The following SH3RF2 variants were observed in gnomAD, a reference collection of about 807,000 sequenced individuals.
SH3RF2 encodes E3 ubiquitin-protein ligase SH3RF2.
A neutral mutation model predicts 59.0 loss-of-function variants in SH3RF2; 43 were observed. That is an observed-to-expected ratio of 0.73 (90% CI 0.57 to 0.94). SH3RF2 has a LOEUF of 0.94. SH3RF2 is among the 40% of genes least tolerant of loss of function. The pLI, the probability that SH3RF2 is intolerant of heterozygous loss-of-function variation, is 0.00. For missense variants in SH3RF2, 930 were observed against 940.1 expected, an observed-to-expected ratio of 0.99 and a Z score of 0.14; for synonymous variants, 391 against 391.5, an observed-to-expected ratio of 1.00 and a Z score of 0.01.
At chr5:145,939,455 T>G (rs956531498) in intron 2 of SH3RF2, among the ~76,000 whole-genome samples, 2 of 152,200 alleles carry the variant, frequency 1.3e-5, no homozygotes, top group African/African-American at 4.8e-5. Flanking sequence ...ATTTTCCTTC[T>G]AAGAGCTACC....
chr5:146,056,881 C>T (rs1762690227), intron 8 of SH3RF2, among the ~76,000 whole-genome samples: 1 of 152,210 alleles, frequency 6.6e-6, no homozygotes, highest in Non-Finnish European at 1.5e-5. Context: ...ACATTGCACA[C>T]ATGGCAGTAC....
intron 3 of SH3RF2, 114 bp downstream of exon 3, chr5:146,000,441 T>C: frequency 2.4e-6 from 2 of 816,668 alleles, no homozygotes; most frequent in East Asian, 7.9e-5. Context: ...AAATATATTA[T>C]ATTATTGTTA....
chr5:146,008,735 A>G (rs1760752350), intron 4 of SH3RF2, among the ~76,000 whole-genome samples: 1 of 152,212 alleles, frequency 6.6e-6, no homozygotes, highest in African/African-American at 2.4e-5. Flanking sequence ...AAGACATAGG[A>G]GAGTTCCAAT....
At chr5:146,022,859 G>T (rs1761379129) in intron 5 of SH3RF2, among the ~76,000 whole-genome samples, 1 of 149,328 alleles carries the variant, frequency 6.7e-6, no homozygotes, top group Admixed American at 6.7e-5. Flanking sequence ...GTGACACAGA[G>T]CAAGGCTCCA....
chr5:146,003,893 C>A (rs942059466), intron 3 of SH3RF2, among the ~76,000 whole-genome samples, 165 bp from the exon 4 acceptor site: 3 of 152,304 alleles, frequency 2.0e-5, no homozygotes, highest in Admixed American at 6.5e-5. Flanking sequence ...AAACACTGCC[C>A]TTTATGGAGA....
chr5:145,963,957 C>T (rs935300012), intron 2 of SH3RF2, among the ~76,000 whole-genome samples: 2 of 151,940 alleles, frequency 1.3e-5, no homozygotes. Context: ...CTCAGCCTCC[C>T]CAGTAGTTGG....
chr5:145,982,538 A>G (rs1759543277), intron 2 of SH3RF2, among the ~76,000 whole-genome samples: 1 of 152,170 alleles, frequency 6.6e-6, no homozygotes, highest in Non-Finnish European at 1.5e-5. Flanking sequence ...AGAAATTGAT[A>G]TTTGGGGGTT....
downstream of SH3RF2, among the ~76,000 whole-genome samples, chr5:146,067,420 C>G (rs144975773): frequency 4.8e-3 from 724 of 152,330 alleles, 4 homozygotes; most frequent in Non-Finnish European, 8.0e-3. Flanking sequence ...CCTCCAGAGA[C>G]TGTGCAGGAC....
intron 4 of SH3RF2, among the ~76,000 whole-genome samples, chr5:146,011,891 G>A (rs1760917166): frequency 6.6e-6 from 1 of 152,062 alleles, no homozygotes; most frequent in Non-Finnish European, 1.5e-5. Context: ...CTGCCTGATT[G>A]CCCTGGCCAG....
At chr5:145,951,422 T>C (rs1758188384) in intron 2 of SH3RF2, among the ~76,000 whole-genome samples, 1 of 152,226 alleles carries the variant, frequency 6.6e-6, no homozygotes. Context: ...GTTTACATCT[T>C]GGTTCTCTGA....
chr5:145,989,494 G>A (rs560041681), intron 2 of SH3RF2, among the ~76,000 whole-genome samples: 1 of 152,358 alleles, frequency 6.6e-6, no homozygotes, highest in South Asian at 2.1e-4. Flanking sequence ...GAGAGGCAGA[G>A]ATGCTTCAGA....
At chr5:145,979,311 T>TA (rs1759423480) in intron 2 of SH3RF2, among the ~76,000 whole-genome samples, 2 of 152,222 alleles carry the variant, frequency 1.3e-5, no homozygotes, top group African/African-American at 4.8e-5. Flanking sequence ...CAATGCACCC[T>TA]AAAAATCTGA....
In SH3RF2 at chr5:145,949,582, T is replaced by C. The variant is rs560954941; in HGVS notation, c.378+11276T>C. ...TGGAGAAGCAGGAGAGGTAATCTTC[T>C]GGATTCCAAATTTCTCCTCAGAGTG... is the stretch of plus-strand genomic sequence containing the variant. On this transcript the variant is annotated intron_variant, in intron 2 of 9. Coordinates refer to ENST00000359120, the MANE Select transcript of SH3RF2 (RefSeq NM_152550.4). 3.3e-5 allele frequency among the ~76,000 whole-genome samples: 5 copies of C among 152,322 alleles called. No homozygotes were observed. The East Asian group carries it at 9.7e-4, about 29-fold the overall frequency.
intron 5 of SH3RF2, among the ~76,000 whole-genome samples, chr5:146,027,424 C>T (rs1446465058): frequency 1.3e-5 from 2 of 152,214 alleles, no homozygotes; most frequent in Non-Finnish European, 2.9e-5. Context: ...CCCTCACAGC[C>T]TGTCAGTGAA....
intron 5 of SH3RF2, among the ~76,000 whole-genome samples, chr5:146,035,251 C>T (rs1225752595): frequency 1.3e-5 from 2 of 151,976 alleles, no homozygotes; most frequent in African/African-American, 4.8e-5. Flanking sequence ...ACAACAAACA[C>T]ATGGCAGAAA....
At chr5:146,018,130 A>G (rs2149995967) in intron 5 of SH3RF2, among the ~76,000 whole-genome samples, 1 of 152,104 alleles carries the variant, frequency 6.6e-6, no homozygotes, top group Admixed American at 6.5e-5. Flanking sequence ...TAGGGGTACA[A>G]GTGGTTTTTG....
At position 146,055,965 on chromosome 5, in the gene SH3RF2, A is replaced by C. The variant is rs1344857734; in HGVS notation, c.1323-16A>C. On this transcript the variant is annotated splice_polypyrimidine_tract_variant and intron_variant, in intron 7 of 9. Transcript: ENST00000359120. ...TCTCTATTTCTTCTCTTAAAAAAAA[A>C]ATTTTCCAAAACCAGAAAGACCTCT... The C allele has an allele frequency of 1.9e-6, 3 of 1,597,686 alleles. No individual in the cohort carries two copies. Among genetic ancestry groups the C allele is most frequent in the Non-Finnish European group, 2.6e-6 (3 of 1,174,530 alleles).
At chr5:145,959,958 C>A (rs572306648) in intron 2 of SH3RF2, among the ~76,000 whole-genome samples, 1 of 152,282 alleles carries the variant, frequency 6.6e-6, no homozygotes, top group Non-Finnish European at 1.5e-5. Flanking sequence ...ATGTAATTAA[C>A]AAAACCTAGA....
intron 4 of SH3RF2, among the ~76,000 whole-genome samples, chr5:146,007,664 C>T (rs1356038358): frequency 2.0e-5 from 3 of 152,180 alleles, no homozygotes. Context: ...AAAACTTCTC[C>T]ATTTAATGAT....
Sources: allele counts gnomAD v4.1 joint callset (sites outside exome capture counted in the v4.1 genomes callset), GRCh38; gene constraint gnomAD v4.1.1; transcripts MANE v1.5; gene names NCBI Gene and HGNC (gene_info 2026-07-23, HGNC 2026-07-21).